KNDC1: variants seen among roughly 807,000 people sequenced by gnomAD.
The protein encoded by KNDC1 is kinase non-catalytic C-lobe domain containing 1.
In KNDC1, 106 loss-of-function variants were observed where a neutral mutation model predicts 172.8. The ratio of observed to expected loss-of-function variants is 0.61; its 90% CI spans 0.52 to 0.72. The LOEUF is 0.72. Ranked by LOEUF, KNDC1 falls within the 30% of genes least tolerant of loss-of-function variation. The pLI, the probability that KNDC1 is intolerant of heterozygous loss-of-function variation, is 0.00. For missense variants in KNDC1, 2,325 were observed against 2,394.5 expected (o/e 0.97, Z 0.61); for synonymous variants, 1,083 against 1,062.2 (o/e 1.02, Z -0.38).
Position 133,199,075 on chromosome 10 carries a change from A to G in KNDC1, c.2567A>G (p.Asp856Gly). 1 of 1,607,050 alleles carries G rather than the reference A, an allele frequency of 6.2e-7. No homozygotes were observed. Among genetic ancestry groups the G allele is most frequent in the South Asian group, 1.1e-5 (1 of 90,224 alleles). The part of the protein sequence containing the change: ...GPGATPAGER[D>G]DQSPDSVPER... Reference sequence around the variant, plus strand: ...GGGGCCACCCCTGCCGGGGAACGTGATGACCAGAGTCCAGACAGTGTCCCA... The same window carrying G: ...GGGGCCACCCCTGCCGGGGAACGTGGTGACCAGAGTCCAGACAGTGTCCCA... The change falls in exon 14 of 30, where the codon GAT (aspartate) becomes GGT (glycine). Residue 856 changes from aspartate to glycine, a missense_variant. By Grantham distance (94) the Asp-to-Gly change is moderately conservative. Transcript: ENST00000304613.
In KNDC1 at chr10:133,181,833, TCC is replaced by T. The variant is rs1491332807; in HGVS notation, c.361-1510_361-1509del. ...TCCAGACCAGGAAGCCCCAGGACCG[TCC>T]ACACACACACACACACACACACACA... On this transcript the variant is annotated intron_variant, in intron 3 of 29. Transcript: ENST00000304613. Among the ~76,000 whole-genome samples the T allele has an allele frequency of 8.9e-5, 11 of 124,168 alleles. No individual in the cohort carries two copies. In the South Asian group the frequency reaches 2.4e-3, roughly 27 times the overall value. 81.5% of individuals were successfully genotyped at this position (124,168 alleles called of 152,430 possible).
At position 133,167,218 on chromosome 10, in the gene KNDC1, C is replaced by T. The variant is rs1322089267; in HGVS notation, c.103-163C>T. On this transcript the variant is annotated intron_variant, in intron 1 of 29. Transcript: ENST00000304613. ...CTCTGACGTCCAGGGAACAGCAGGA[C>T]GACTCTTGAAACAAAATGAGACGTG... The T allele has an allele frequency of 7.5e-6, 5 of 662,590 alleles. No individual in the cohort carries two copies. The East Asian group carries it at 1.1e-4, about 15-fold the overall frequency. The allele number at this position is 662,590 out of a possible 1,614,324, so 41.0% of individuals were successfully genotyped here. A position where few individuals can be genotyped will look rare whatever the true frequency, so the allele number is the denominator to read the frequency against.
chr10:133,197,892 C>T, intron 12 of KNDC1, 124 bp downstream of exon 12: 1 of 822,552 alleles, frequency 1.2e-6, no homozygotes, highest in East Asian at 2.6e-5. Context: ...AAGTCCAGAG[C>T]TCGGCCAACG....
chr10:133,185,865 G>A, intron 5 of KNDC1, 109 bp from the exon 6 acceptor site: 1 of 489,202 alleles, frequency 2.0e-6, no homozygotes, highest in Non-Finnish European at 3.5e-6. Context: ...AGAGGTGGGA[G>A]GGGAGGGGTG....
intron 17 of KNDC1, among the ~76,000 whole-genome samples, chr10:133,206,052 T>C (rs1029108727): frequency 1.3e-5 from 2 of 151,308 alleles, no homozygotes; most frequent in Non-Finnish European, 2.9e-5. Flanking sequence ...AATACAAAAT[T>C]AGCCGGGCAT....
At chr10:133,207,380 A>G (rs1330113476) in intron 20 of KNDC1, 29 bp downstream of exon 20, 1 of 1,599,336 alleles carries the variant, frequency 6.3e-7, no homozygotes, top group East Asian at 2.2e-5. Context: ...TCACCCGGAA[A>G]AGGAGACGTA....
At chr10:133,166,958 C>A (rs1853180825) in intron 1 of KNDC1, among the ~76,000 whole-genome samples, 1 of 152,194 alleles carries the variant, frequency 6.6e-6, no homozygotes, top group African/African-American at 2.4e-5. Flanking sequence ...CAGGATCACG[C>A]CCCGTTAGCT....
chr10:133,184,307 C>G (rs979512454), intron 5 of KNDC1, among the ~76,000 whole-genome samples: 1 of 148,628 alleles, frequency 6.7e-6, no homozygotes, highest in South Asian at 2.2e-4. Context: ...CATGCACACA[C>G]TGCACAACCC....
At position 133,199,488 on chromosome 10, in the gene KNDC1, C is replaced by A; in HGVS notation, c.2789C>A (p.Thr930Asn). Residue 930 changes from threonine (T) to asparagine (N), a missense_variant, in exon 15 of 30, where the codon ACC (threonine) becomes AAC (asparagine). Thr to Asn is a moderately conservative substitution (Grantham distance 65, BLOSUM62 0). Transcript: ENST00000304613. Reference sequence around the variant, plus strand: ...TACATCTTCGCCTTGAAAGATCTCACCTTTGCCACTTTCTGTGGCGCCATT... The same window carrying A: ...TACATCTTCGCCTTGAAAGATCTCAACTTTGCCACTTTCTGTGGCGCCATT... ...GEYIFALKDL[T>N]FATFCGAISE... 1 of 1,613,912 alleles carries A rather than the reference C, an allele frequency of 6.2e-7. No individual in the cohort carries two copies. Among genetic ancestry groups the A allele is most frequent in the South Asian group, 1.1e-5 (1 of 91,082 alleles).
At chr10:133,188,705 T>G in intron 7 of KNDC1, 52 bp downstream of exon 7, 3 of 674,590 alleles carry the variant, frequency 4.4e-6, no homozygotes, top group Non-Finnish European at 4.0e-6. Context: ...CCCACTGCTG[T>G]TCCACCCCCC....
chr10:133,211,751 G>A lies in KNDC1; in HGVS notation c.4129G>A (p.Gly1377Ser), dbSNP rs771364985. The change falls in exon 23 of 30, where the codon GGC becomes AGC. Residue 1377 changes from glycine to serine, a missense_variant. Coordinates refer to ENST00000304613, the MANE Select transcript of KNDC1 (RefSeq NM_152643.8). ...GGTGGGCATGGACCGGCGGGCCGAG[G>A]GCAACCCTCGCGGCACAGACCTGGA... is the stretch of plus-strand genomic sequence containing the variant. ...LEVGMDRRAE[G>S]NPRGTDLENP... is the part of the protein sequence containing the mutation. The A allele has an allele frequency of 1.2e-6, 2 of 1,610,064 alleles. No homozygotes were observed. Among genetic ancestry groups the A allele is most frequent in the East Asian group, 2.2e-5 (1 of 44,880 alleles).
At chr10:133,211,073 G>A (rs539616009) in intron 21 of KNDC1, among the ~76,000 whole-genome samples, 1 of 152,144 alleles carries the variant, frequency 6.6e-6, no homozygotes, top group East Asian at 1.9e-4. Context: ...CAAGCAGAGG[G>A]TCCTACCGGC....
At position 133,211,761 on chromosome 10, in the gene KNDC1, G is replaced by T; in HGVS notation, c.4139G>T (p.Arg1380Leu). ...GMDRRAEGNP[R>L]GTDLENPREA... is the part of the protein sequence containing the mutation. ...GACCGGCGGGCCGAGGGCAACCCTC[G>T]CGGCACAGACCTGGAGAACCCCAGG... Residue 1380 changes from arginine to leucine, a missense_variant, in exon 23 of 30, where the codon CGC becomes CTC. Coordinates refer to ENST00000304613, the MANE Select transcript of KNDC1 (RefSeq NM_152643.8). The T allele has an allele frequency of 6.2e-7, 1 of 1,610,378 alleles. No homozygotes were observed. Among genetic ancestry groups the T allele is most frequent in the Non-Finnish European group, 8.5e-7 (1 of 1,179,218 alleles).
chr10:133,185,937 G>GAGAGGGGAGGGGCGGGAGGA (rs1853895991), intron 5 of KNDC1, 37 bp from the exon 6 acceptor site: 1 of 1,489,628 alleles, frequency 6.7e-7, no homozygotes, highest in African/African-American at 1.4e-5. Flanking sequence ...GGGGCGGGAG[G>GAGAGGGGAGGGGCGGGAGGA]GGCACCCAGC....
chr10:133,193,662 A>G (rs937670142), intron 9 of KNDC1, among the ~76,000 whole-genome samples: 1 of 152,260 alleles, frequency 6.6e-6, no homozygotes, highest in East Asian at 1.9e-4. Context: ...TGACCTAACC[A>G]TGTACTGTCT....
intron 5 of KNDC1, 52 bp from the exon 6 acceptor site, chr10:133,185,922 G>GGGGAGGGGC (rs1853894015): frequency 3.1e-6 from 4 of 1,308,488 alleles, no homozygotes; most frequent in Admixed American, 2.2e-5. Flanking sequence ...CGGGAGGAGA[G>GGGGAGGGGC]GGGAGGGGCG....
At chr10:133,162,284 C>G (rs1853001370) in intron 1 of KNDC1, among the ~76,000 whole-genome samples, 1 of 136,236 alleles carries the variant, frequency 7.3e-6, no homozygotes, top group Non-Finnish European at 1.6e-5. Flanking sequence ...TTGGAAGGTT[C>G]TGAAATCTCC....
In KNDC1 at chr10:133,207,346, C is replaced by T. The variant is rs1254193307; in HGVS notation, c.3789C>T (p.Tyr1263=). ...GTPLGLMAYL[Y]SSDAFLEGYV... ...CGCTGGGGCTCATGGCCTACCTGTA[C>T]TCCAGGTGCGTTGGGAGAAAAGCTC... Residue 1263 remains tyrosine, a synonymous_variant, in exon 20 of 30, where the codon TAC becomes TAT. Coordinates refer to ENST00000304613, the MANE Select transcript of KNDC1 (RefSeq NM_152643.8). The T allele has an allele frequency of 6.2e-7, 1 of 1,611,914 alleles. No homozygotes were observed. Among genetic ancestry groups the T allele is most frequent in the Non-Finnish European group, 8.5e-7 (1 of 1,179,310 alleles).
At chr10:133,211,952 T>G in intron 23 of KNDC1, 94 bp downstream of exon 23, 1 of 1,250,390 alleles carries the variant, frequency 8.0e-7, no homozygotes, top group Non-Finnish European at 1.1e-6. Flanking sequence ...TGCACACACA[T>G]ACACACAAGT....
Sources: gnomAD v4.1 joint callset for allele counts (sites outside exome capture counted in the v4.1 genomes callset) on GRCh38, gnomAD v4.1.1 for gene constraint, MANE v1.5 for transcripts, NCBI Gene and HGNC (gene_info 2026-07-23, HGNC 2026-07-21) for gene names.